Variants in FARP1 observed in about 807,000 individuals in gnomAD.
FARP1 encodes FERM, ARHGEF and pleckstrin domain-containing protein 1.
In FARP1, 52 loss-of-function variants were observed where a neutral mutation model predicts 128.8. That is an observed-to-expected ratio of 0.40 (90% CI 0.32 to 0.51). The LOEUF is 0.51. Among genes scored for constraint, FARP1 ranks in the 20% least tolerant of loss-of-function variants. The pLI is 0.45. For synonymous variants in FARP1, 580 were observed against 551.8 expected, an observed-to-expected ratio of 1.05 and a Z score of -0.72; for missense variants, 1,333 against 1,367.9, an observed-to-expected ratio of 0.97 and a Z score of 0.40.
chr13:98,323,520 C>A (rs558926832), intron 2 of FARP1, among the ~76,000 whole-genome samples: 1 of 150,216 alleles, frequency 6.7e-6, no homozygotes, highest in African/African-American at 2.5e-5. Flanking sequence ...GAATTTATGT[C>A]TGTTAAATAT....
intron 13 of FARP1, chr13:98,396,391 C>T (rs954324817): frequency 7.5e-6 from 3 of 399,280 alleles, no homozygotes; most frequent in Admixed American, 4.4e-5. Context: ...CGCAGTGCTG[C>T]GTTCCCCGTC....
At chr13:98,245,353 A>G (rs1463429763) in intron 2 of FARP1, 2 of 985,286 alleles carry the variant, frequency 2.0e-6, no homozygotes, top group Admixed American at 6.1e-5. Flanking sequence ...TGGGATGTTT[A>G]TGTGAGAACA....
intron 2 of FARP1, among the ~76,000 whole-genome samples, chr13:98,269,865 C>T (rs1390374106): frequency 2.6e-5 from 4 of 152,178 alleles, no homozygotes; most frequent in Non-Finnish European, 5.9e-5. Flanking sequence ...CCTGTAATTC[C>T]AGCACTTTGG....
chr13:98,200,853 G>GT (rs902021764), intron 1 of FARP1, among the ~76,000 whole-genome samples: 8 of 151,864 alleles, frequency 5.3e-5, no homozygotes, highest in South Asian at 2.1e-4. Context: ...CTAGAGAAGT[G>GT]TTTTTTTTCT....
At chr13:98,290,538 G>A (rs1248633227) in intron 2 of FARP1, among the ~76,000 whole-genome samples, 4 of 152,110 alleles carry the variant, frequency 2.6e-5, no homozygotes, top group Non-Finnish European at 4.4e-5. Flanking sequence ...GTGAGGGACA[G>A]TGTGGTATAG....
At chr13:98,195,686 G>A (rs1194033649) in intron 1 of FARP1, among the ~76,000 whole-genome samples, 1 of 152,082 alleles carries the variant, frequency 6.6e-6, no homozygotes, top group Non-Finnish European at 1.5e-5. Context: ...GCTAATGGAA[G>A]GGAGAAGGGT....
At chr13:98,325,446 T>A (rs1301620847) in intron 2 of FARP1, among the ~76,000 whole-genome samples, 6 of 152,210 alleles carry the variant, frequency 3.9e-5, no homozygotes, top group African/African-American at 1.4e-4. Flanking sequence ...GCTGATTAAA[T>A]TTAGGTTAGG....
At chr13:98,260,420 G>A (rs1418689798) in intron 2 of FARP1, among the ~76,000 whole-genome samples, 2 of 152,046 alleles carry the variant, frequency 1.3e-5, no homozygotes, top group Non-Finnish European at 2.9e-5. Flanking sequence ...TTCCATTTTG[G>A]TATAGTCAGC....
At chr13:98,414,457 C>T (rs1463240477) in intron 16 of FARP1, among the ~76,000 whole-genome samples, 1 of 152,092 alleles carries the variant, frequency 6.6e-6, no homozygotes, top group African/African-American at 2.4e-5. Context: ...GGCAGGAATT[C>T]CAAGGGAAAA....
At chr13:98,172,877 C>G (rs1306244194) in intron 1 of FARP1, among the ~76,000 whole-genome samples, 2 of 152,172 alleles carry the variant, frequency 1.3e-5, no homozygotes, top group Non-Finnish European at 2.9e-5. Context: ...GGATGAGAGA[C>G]AGCAGATCCA....
chr13:98,304,582 C>G (rs1594378246), intron 2 of FARP1, among the ~76,000 whole-genome samples: 1 of 152,300 alleles, frequency 6.6e-6, no homozygotes, highest in South Asian at 2.1e-4. Context: ...ACCAGGAAAG[C>G]TACCCATTCG....
intron 2 of FARP1, among the ~76,000 whole-genome samples, chr13:98,308,041 T>C (rs1443282677): frequency 0.026 from 97 of 3,760 alleles, 4 homozygotes; most frequent in African/African-American, 0.042. Flanking sequence ...CTCTTTTTTT[T>C]TTTTTTTTTT....
intron 7 of FARP1, 106 bp from the exon 8 acceptor site, chr13:98,385,561 T>C: frequency 7.9e-7 from 1 of 1,265,728 alleles, no homozygotes; most frequent in Non-Finnish European, 1.1e-6. Flanking sequence ...CCAGTGTTTG[T>C]GATGAAATGC....
intron 2 of FARP1, among the ~76,000 whole-genome samples, chr13:98,240,265 A>G (rs1297253398): frequency 2.0e-5 from 3 of 152,212 alleles, no homozygotes; most frequent in Non-Finnish European, 4.4e-5. Context: ...ATGAATGATT[A>G]GATCTGAGGC....
chr13:98,379,142 TC>T (rs1228201779), intron 6 of FARP1, among the ~76,000 whole-genome samples: 1 of 86,608 alleles, frequency 1.2e-5, no homozygotes, highest in African/African-American at 7.8e-5. Flanking sequence ...TAATATATAA[TC>T]TATATATAAT....
chr13:98,279,058 A>T (rs1250488625), intron 2 of FARP1, among the ~76,000 whole-genome samples: 1 of 149,034 alleles, frequency 6.7e-6, no homozygotes, highest in Non-Finnish European at 1.5e-5. Context: ...GATGGTCTTG[A>T]TCTCCTGACC....
intron 6 of FARP1, among the ~76,000 whole-genome samples, chr13:98,378,563 TAAG>T (rs1889691270): frequency 1.3e-5 from 2 of 152,184 alleles, no homozygotes; most frequent in Admixed American, 1.3e-4. Flanking sequence ...TAATGTATAA[TAAG>T]CACTACTATA....
At chr13:98,231,499 A>G (rs897884245) in intron 2 of FARP1, among the ~76,000 whole-genome samples, 3 of 152,112 alleles carry the variant, frequency 2.0e-5, no homozygotes, top group Middle Eastern at 3.2e-3. Flanking sequence ...GTGCAGTGGC[A>G]TAATCTTGGC....
chr13:98,361,240 C>T (rs1888860898), intron 3 of FARP1, among the ~76,000 whole-genome samples: 2 of 152,198 alleles, frequency 1.3e-5, no homozygotes, highest in South Asian at 2.1e-4. Context: ...CCTCACCCAG[C>T]CTGGTTGCGT....
Sources: allele counts gnomAD v4.1 joint callset (sites outside exome capture counted in the v4.1 genomes callset), GRCh38; gene constraint gnomAD v4.1.1; transcripts MANE v1.5; gene names NCBI Gene and HGNC (gene_info 2026-07-23, HGNC 2026-07-21).